ZDHHC14: variants seen among roughly 807,000 people sequenced by gnomAD.
ZDHHC14 encodes the protein palmitoyltransferase ZDHHC14.
In ZDHHC14, 16 loss-of-function variants were observed where a neutral mutation model predicts 47.7. That is an observed-to-expected ratio of 0.34 (90% CI 0.23 to 0.51). The LOEUF is 0.51. Among genes scored for constraint, ZDHHC14 ranks in the 20% least tolerant of loss-of-function variants. The pLI, the probability that ZDHHC14 is intolerant of heterozygous loss-of-function variation, is 0.97. For synonymous variants in ZDHHC14, 293 were observed against 278.9 expected (o/e 1.05, Z -0.50); for missense variants, 515 against 662.5 (o/e 0.78, Z 2.44).
intron 8 of ZDHHC14, among the ~76,000 whole-genome samples, chr6:157,665,531 C>G (rs1407271327): frequency 6.6e-6 from 1 of 152,132 alleles, no homozygotes; most frequent in Non-Finnish European, 1.5e-5. Context: ...ATTTTAGGAC[C>G]AGTATCCGGA....
chr6:157,668,110 G>A (rs1005577573), intron 8 of ZDHHC14, among the ~76,000 whole-genome samples: 4 of 152,170 alleles, frequency 2.6e-5, no homozygotes, highest in Non-Finnish European at 5.9e-5. Context: ...TGAACTACAC[G>A]CAGGACTTAG....
chr6:157,668,926 G>C (rs1249063775), intron 8 of ZDHHC14, among the ~76,000 whole-genome samples: 5 of 152,174 alleles, frequency 3.3e-5, no homozygotes, highest in Non-Finnish European at 7.3e-5. Flanking sequence ...GAGTGGGCCA[G>C]GTTTGGAGTG....
rs776249580 is a variant in ZDHHC14 at position 157,580,194 on chromosome 6, C to T, written c.407-12794C>T. ...TTTTAGTTCTGTTTATGTGATTAATCACATTTACTGATCTATGTATGTTGA... is the reference window on the plus strand; with the variant it reads ...TTTTAGTTCTGTTTATGTGATTAATTACATTTACTGATCTATGTATGTTGA... On this transcript the variant is annotated intron_variant, in intron 2 of 8. Transcript: ENST00000359775. Among the ~76,000 whole-genome samples, 8 of 152,028 alleles carry T rather than the reference C, an allele frequency of 5.3e-5. No individual in the cohort carries two copies. In the South Asian group the frequency reaches 1.0e-3, roughly 20 times the overall value.
intron 3 of ZDHHC14, among the ~76,000 whole-genome samples, chr6:157,599,408 C>G (rs974481383): frequency 3.9e-5 from 6 of 152,346 alleles, no homozygotes; most frequent in African/African-American, 1.4e-4. Context: ...TCTTCAAAGA[C>G]CACAACTCCG....
At chr6:157,647,937 A>T (rs756392844) in intron 7 of ZDHHC14, among the ~76,000 whole-genome samples, 1 of 151,994 alleles carries the variant, frequency 6.6e-6, no homozygotes, top group Non-Finnish European at 1.5e-5. Context: ...TCACAAGCTC[A>T]CTCTGTACCT....
chr6:157,508,761 A>G (rs1216705435), intron 1 of ZDHHC14, among the ~76,000 whole-genome samples: 1 of 152,150 alleles, frequency 6.6e-6, no homozygotes, highest in Non-Finnish European at 1.5e-5. Flanking sequence ...TGGAAAATTT[A>G]TTTAACTTTA....
intron 1 of ZDHHC14, among the ~76,000 whole-genome samples, chr6:157,453,788 T>TTTTTTTTTTGTGTGTGTGTG (rs3220439): frequency 7.4e-5 from 11 of 148,098 alleles, no homozygotes; most frequent in African/African-American, 2.8e-4. Context: ...TTTTTGTGTT[T>TTTTTTTTTTGTGTGTGTGTG]TGTGTGTGTG....
At chr6:157,643,017 G>A (rs1216993251) in intron 5 of ZDHHC14, among the ~76,000 whole-genome samples, 1 of 152,244 alleles carries the variant, frequency 6.6e-6, no homozygotes, top group South Asian at 2.1e-4. Context: ...CAGACTTCCG[G>A]CATTCAAGTC....
At chr6:157,437,631 A>G in intron 1 of ZDHHC14, among the ~76,000 whole-genome samples, 1 of 152,226 alleles carries the variant, frequency 6.6e-6, no homozygotes, top group East Asian at 1.9e-4. Flanking sequence ...CAGTCTCTGC[A>G]TTTCTTACTC....
intron 3 of ZDHHC14, among the ~76,000 whole-genome samples, chr6:157,618,177 G>A (rs1193588649): frequency 6.6e-6 from 1 of 152,210 alleles, no homozygotes; most frequent in Non-Finnish European, 1.5e-5. Flanking sequence ...GCTTGGGTGG[G>A]ACAGGAGTGG....
At chr6:157,411,823 G>A (rs746853985) in intron 1 of ZDHHC14, among the ~76,000 whole-genome samples, 40 of 151,740 alleles carry the variant, frequency 2.6e-4, no homozygotes, top group Non-Finnish European at 7.4e-5. Context: ...AGACCACACA[G>A]TCATTAGATA....
intron 1 of ZDHHC14, among the ~76,000 whole-genome samples, chr6:157,477,051 A>C (rs1779502200): frequency 6.6e-6 from 1 of 152,160 alleles, no homozygotes; most frequent in African/African-American, 2.4e-5. Flanking sequence ...TCCTAGCCAA[A>C]ATAACTAGGT....
chr6:157,448,731 C>T (rs977658981), intron 1 of ZDHHC14, among the ~76,000 whole-genome samples: 3 of 152,232 alleles, frequency 2.0e-5, no homozygotes, highest in African/African-American at 7.2e-5. Flanking sequence ...CGTGCACCAC[C>T]ATGCCCAGCT....
intron 1 of ZDHHC14, among the ~76,000 whole-genome samples, chr6:157,408,957 T>C (rs1777819800): frequency 6.6e-6 from 1 of 152,180 alleles, no homozygotes. Flanking sequence ...ACATGGCAGC[T>C]GGATCTCTGG....
At chr6:157,670,966 T>C (rs1280830125) in intron 8 of ZDHHC14, among the ~76,000 whole-genome samples, 1 of 152,098 alleles carries the variant, frequency 6.6e-6, no homozygotes, top group Admixed American at 6.5e-5. Context: ...CTGCATGAAA[T>C]AAGTGCCTTA....
At chr6:157,414,279 C>T (rs760382096) in intron 1 of ZDHHC14, among the ~76,000 whole-genome samples, 3 of 152,266 alleles carry the variant, frequency 2.0e-5, no homozygotes, top group South Asian at 4.2e-4. Context: ...ATGCCCACGG[C>T]GAACTCCCTT....
chr6:157,600,175 C>G (rs991727624), intron 3 of ZDHHC14, among the ~76,000 whole-genome samples: 43 of 152,212 alleles, frequency 2.8e-4, no homozygotes, highest in African/African-American at 1.0e-3. Context: ...ACACCAAAAC[C>G]TTACAAAAAT....
intron 1 of ZDHHC14, among the ~76,000 whole-genome samples, chr6:157,521,922 C>T (rs145013126): frequency 1.4e-4 from 21 of 152,320 alleles, no homozygotes; most frequent in African/African-American, 5.1e-4. Context: ...TTTAGGAATG[C>T]TTGCTTAGAA....
intron 1 of ZDHHC14, among the ~76,000 whole-genome samples, chr6:157,383,134 G>T (rs1777247484): frequency 6.6e-6 from 1 of 152,204 alleles, no homozygotes; most frequent in South Asian, 2.1e-4. Flanking sequence ...CTAATGAAAG[G>T]TCTTCTTATT....
Sources: allele counts gnomAD v4.1 joint callset (sites outside exome capture counted in the v4.1 genomes callset), GRCh38; gene constraint gnomAD v4.1.1; transcripts MANE v1.5; gene names NCBI Gene and HGNC (gene_info 2026-07-23, HGNC 2026-07-21).